The following ODAD2 variants were observed in gnomAD, a reference collection of about 807,000 sequenced individuals.
ODAD2 encodes the protein outer dynein arm-docking complex subunit 2.
In ODAD2, 89 loss-of-function variants were observed where a neutral mutation model predicts 106.8. That is an observed-to-expected ratio of 0.83 (90% CI 0.70 to 0.99). The LOEUF (loss-of-function observed/expected upper bound fraction) is 0.99, where lower values mean the gene tolerates loss of function less well. Among genes scored for constraint, ODAD2 ranks in the 50% least tolerant of loss-of-function variants. The pLI, the probability that ODAD2 is intolerant of heterozygous loss-of-function variation, is 0.00. For missense variants in ODAD2, 1,168 were observed against 1,238.5 expected (o/e 0.94, Z 0.85); for synonymous variants, 404 against 436.2 (o/e 0.93, Z 0.92).
intron 17 of ODAD2, among the ~76,000 whole-genome samples, chr10:27,887,917 C>A (rs908730563): frequency 1.3e-5 from 2 of 152,050 alleles, no homozygotes; most frequent in East Asian, 3.9e-4. Flanking sequence ...CAGTTGTACA[C>A]CAACAAGTTG....
intron 10 of ODAD2, among the ~76,000 whole-genome samples, chr10:27,953,472 T>G (rs1041535604): frequency 6.6e-6 from 1 of 152,160 alleles, no homozygotes; most frequent in African/African-American, 2.4e-5. Context: ...AATGTATATA[T>G]CCAAACAATG....
rs763561367 is a variant in ODAD2 at position 27,935,235 on chromosome 10, G to A, written c.2270C>T (p.Ala757Val). The stretch of plus-strand genomic sequence containing the variant: ...TAGAAGTCCCACCAAGGTTTCAATG[G>A]CTTTGTATTCCCGAAACCTAAGTTC... The part of the protein sequence containing the change: ...ENVTKFREYK[A>V]IETLVGLLTD... Residue 757 changes from alanine to valine, a missense_variant, in exon 16 of 20, where the codon GCC (alanine) becomes GTC (valine). Around this residue, in one of 3 missense-constraint regions of ODAD2, gnomAD observed 701 missense variants for 712.3 expected, o/e 0.98. Coordinates refer to ENST00000305242, the MANE Select transcript of ODAD2 (RefSeq NM_018076.5). 2 of 1,613,852 alleles carry A rather than the reference G, an allele frequency of 1.2e-6. No individual in the cohort carries two copies. The highest frequency in any genetic ancestry group is 1.7e-6 in the Non-Finnish European group (2 of 1,179,818).
intron 10 of ODAD2, among the ~76,000 whole-genome samples, chr10:27,955,193 T>A (rs1312317962): frequency 1.3e-5 from 2 of 152,306 alleles, no homozygotes; most frequent in East Asian, 3.9e-4. Flanking sequence ...TTCGAAATAC[T>A]CTTTTTAACA....
At chr10:27,936,994 T>C in intron 14 of ODAD2, 114 bp from the exon 15 acceptor site, 1 of 987,332 alleles carries the variant, frequency 1.0e-6, no homozygotes. Context: ...AGAGATCATT[T>C]TCGAAAGATG....
intron 10 of ODAD2, 85 bp downstream of exon 10, chr10:27,961,483 A>G (rs1287856299): frequency 7.6e-7 from 1 of 1,316,644 alleles, no homozygotes; most frequent in Non-Finnish European, 1.1e-6. Flanking sequence ...AAAGAAACGT[A>G]AAGTAAACTT....
At chr10:27,956,963 A>C (rs1847780062) in intron 10 of ODAD2, 1 of 152,200 alleles carries the variant, frequency 6.6e-6, no homozygotes, top group African/African-American at 2.4e-5. Flanking sequence ...TGTTTCACAA[A>C]AGGGCTCTCC....
intron 19 of ODAD2, among the ~76,000 whole-genome samples, chr10:27,857,643 C>G (rs1385653135): frequency 1.3e-5 from 2 of 152,160 alleles, no homozygotes; most frequent in Non-Finnish European, 2.9e-5. Flanking sequence ...AAACTGAACA[C>G]ATTAGAAACT....
intron 2 of ODAD2, among the ~76,000 whole-genome samples, chr10:27,990,701 C>A (rs535686695): frequency 6.6e-6 from 1 of 152,130 alleles, no homozygotes; most frequent in Admixed American, 6.5e-5. Flanking sequence ...CCTTAGAGAT[C>A]ATGTAAATTC....
At chr10:27,837,099 G>A (rs1405242873) in intron 19 of ODAD2, among the ~76,000 whole-genome samples, 1 of 152,086 alleles carries the variant, frequency 6.6e-6, no homozygotes, top group Non-Finnish European at 1.5e-5. Context: ...TATTCATCCT[G>A]AGGGAAAATT....
intron 19 of ODAD2, among the ~76,000 whole-genome samples, chr10:27,831,861 C>A (rs1837502247): frequency 6.6e-6 from 1 of 152,228 alleles, no homozygotes; most frequent in Non-Finnish European, 1.5e-5. Context: ...CCTGTGGGTC[C>A]ATGGGTATAT....
chr10:27,893,382 C>T (rs1842681182), intron 17 of ODAD2, among the ~76,000 whole-genome samples: 1 of 152,160 alleles, frequency 6.6e-6, no homozygotes, highest in Non-Finnish European at 1.5e-5. Context: ...CACACATATA[C>T]ATGGTGAACT....
At position 27,948,779 on chromosome 10, in the gene ODAD2, ATTTTTTTT is replaced by A. The variant is rs11451204; in HGVS notation, c.1387-3825_1387-3818del. On this transcript the variant is annotated intron_variant, in intron 10 of 19. Transcript: ENST00000305242. ...ATCTCCAGGCTCTGTTGGCCTTTGGATTTTTTTTTTTTTTTTTTTTTTTTGCAATTGAC... is the reference window on the plus strand; with the variant it reads ...ATCTCCAGGCTCTGTTGGCCTTTGGATTTTTTTTTTTTTTTTGCAATTGAC... Among the ~76,000 whole-genome samples, 5 of 40,326 alleles carry A rather than the reference ATTTTTTTT, an allele frequency of 1.2e-4. No homozygotes were observed. The Admixed American group carries it at 2.3e-3, about 19-fold the overall frequency. The allele number at this position is 40,326 out of a possible 152,430, so 26.5% of individuals were successfully genotyped here. A position where few individuals can be genotyped will look rare whatever the true frequency, so the allele number is the denominator to read the frequency against.
intron 7 of ODAD2, among the ~76,000 whole-genome samples, chr10:27,972,688 C>A (rs1039851447): frequency 4.6e-5 from 7 of 152,086 alleles, no homozygotes; most frequent in Admixed American, 4.6e-4. Flanking sequence ...AAGAGGAGCA[C>A]ACATACTAAT....
At chr10:27,990,616 T>C (rs150835800) in intron 2 of ODAD2, among the ~76,000 whole-genome samples, 2,157 of 152,364 alleles carry the variant, frequency 0.014, 24 homozygotes, top group Middle Eastern at 0.031. Flanking sequence ...ACCCTACTAC[T>C]GTGACTTAGA....
In ODAD2 at chr10:27,985,015, TCA is replaced by T. The variant is rs1323784837; in HGVS notation, c.575+2_575+3del. ...ATAGAGGTTCCTTTTTGAAAAAGACTCACAATGAAATATGTTTTAGAGAATGA... is the reference window on the plus strand; with the variant it reads ...ATAGAGGTTCCTTTTTGAAAAAGACTCAATGAAATATGTTTTAGAGAATGA... On this transcript the variant is annotated splice_donor_variant and splice_donor_region_variant and intron_variant, in intron 4 of 19. Coordinates refer to ENST00000305242, the MANE Select transcript of ODAD2 (RefSeq NM_018076.5). LOFTEE classifies it high-confidence loss of function. 6.2e-7 allele frequency: 1 copy of T among 1,603,164 alleles called. No homozygotes were observed. The highest frequency in any genetic ancestry group is 1.7e-5 in the Admixed American group (1 of 58,684).
At chr10:27,961,384 T>C (rs1215823283) in intron 10 of ODAD2, among the ~76,000 whole-genome samples, 184 bp downstream of exon 10, 2 of 152,198 alleles carry the variant, frequency 1.3e-5, no homozygotes, top group Admixed American at 1.3e-4. Flanking sequence ...GGTTGCTCCA[T>C]GAGGATGAAT....
At chr10:27,993,209 T>C (rs1389019668) in intron 2 of ODAD2, among the ~76,000 whole-genome samples, 1 of 152,164 alleles carries the variant, frequency 6.6e-6, no homozygotes, top group East Asian at 1.9e-4. Context: ...GCCACCATGA[T>C]CAGCCAAGTA....
intron 19 of ODAD2, among the ~76,000 whole-genome samples, chr10:27,845,809 A>G (rs950370941): frequency 5.9e-5 from 9 of 152,212 alleles, no homozygotes; most frequent in African/African-American, 2.2e-4. Flanking sequence ...ACCAACAAAT[A>G]TCAAAAGAGA....
In ODAD2 at chr10:27,948,247, A is replaced by ATT. The variant is rs35594396; in HGVS notation, c.1387-3287_1387-3286dup. 3.6e-3 allele frequency among the ~76,000 whole-genome samples: 540 copies of ATT among 151,392 alleles called. 1 individual carries two copies. The highest frequency in any genetic ancestry group is 0.012 in the African/African-American group (495 of 41,296). Reference sequence around the variant, plus strand: ...GGAAACATATTCATAGGCTTGAGGGATTTTTTTTTAGAACAGTTTTATATT... The same window carrying ATT: ...GGAAACATATTCATAGGCTTGAGGGATTTTTTTTTTTAGAACAGTTTTATATT... On this transcript the variant is annotated intron_variant, in intron 10 of 19. Coordinates refer to ENST00000305242, the MANE Select transcript of ODAD2 (RefSeq NM_018076.5).
Sources: gnomAD v4.1 joint callset for allele counts (sites outside exome capture counted in the v4.1 genomes callset) on GRCh38, gnomAD v4.1.1 for gene constraint, gnomAD v4.1.1 regional missense constraint, MANE v1.5 for transcripts, NCBI Gene and HGNC (gene_info 2026-07-23, HGNC 2026-07-21) for gene names.